Variants in NPNT observed in about 807,000 individuals in gnomAD.
The protein encoded by NPNT is preosteoblast EGF-like repeat protein with MAM domain.
NPNT carries 45 observed loss-of-function variants against 68.6 expected under a neutral mutation model. The observed-to-expected ratio is 0.66, with a 90% CI of 0.52 to 0.84. NPNT has a LOEUF of 0.84. Ranked by LOEUF, NPNT falls within the 40% of genes least tolerant of loss-of-function variation. The pLI is 0.00. For synonymous variants in NPNT, 233 were observed against 253.3 expected (o/e 0.92, Z 0.76); for missense variants, 672 against 714.8 (o/e 0.94, Z 0.68).
chr4:105,924,568 T>C (rs1370688004), intron 2 of NPNT, among the ~76,000 whole-genome samples: 1 of 152,138 alleles, frequency 6.6e-6, no homozygotes, highest in Non-Finnish European at 1.5e-5. Flanking sequence ...TCCCTAAACA[T>C]GGAAGAAACA....
chr4:105,955,449 C>T (rs1175794849), intron 8 of NPNT, among the ~76,000 whole-genome samples: 2 of 152,080 alleles, frequency 1.3e-5, no homozygotes, highest in Non-Finnish European at 1.5e-5. Context: ...CTTTGAGTAA[C>T]CAAAATACAA....
At chr4:105,967,753 A>G (rs934180117) in intron 11 of NPNT, among the ~76,000 whole-genome samples, 25 of 152,048 alleles carry the variant, frequency 1.6e-4, no homozygotes, top group Non-Finnish European at 1.6e-4. Flanking sequence ...GATCAACAGA[A>G]ACTTCCAAGG....
Position 105,969,163 on chromosome 4 carries a change from G to T in NPNT, c.*173G>T, listed in dbSNP as rs919752574. On this transcript the variant is annotated 3_prime_UTR_variant, in exon 12 of 12. Coordinates refer to ENST00000379987, the MANE Select transcript of NPNT (RefSeq NM_001033047.3). ...TGGCCTGCTTTTGTGCAATCCCAAT[G>T]AACAGTGATACCCTCCTTGAAATAC... The T allele has an allele frequency of 3.7e-6, 2 of 546,618 alleles. No homozygotes were observed. The highest frequency in any genetic ancestry group is 1.9e-5 in the African/African-American group (1 of 53,116). 33.9% of individuals were successfully genotyped at this position (546,618 alleles called of 1,614,324 possible). A position where few individuals can be genotyped will look rare whatever the true frequency, so the allele number is the denominator to read the frequency against.
In NPNT at chr4:105,925,444, G is replaced by A. The variant is rs1407873926; in HGVS notation, c.173-1892G>A. 1.3e-5 allele frequency among the ~76,000 whole-genome samples: 2 copies of A among 152,004 alleles called. 1 individual carries two copies. The highest frequency in any genetic ancestry group is 4.1e-4 in the South Asian group (2 of 4,828). ...AGCAAAGAGGCCCTGTGGAATGGAA[G>A]GTGAGGGAAGGGTTAGTGACAGTTG... On this transcript the variant is annotated intron_variant, in intron 2 of 11. Coordinates refer to ENST00000379987, the MANE Select transcript of NPNT (RefSeq NM_001033047.3).
intron 10 of NPNT, among the ~76,000 whole-genome samples, chr4:105,960,780 G>A (rs1387800037): frequency 6.7e-6 from 1 of 149,856 alleles, no homozygotes; most frequent in Non-Finnish European, 1.5e-5. Flanking sequence ...GTGTGTGTGT[G>A]TGTATACAAT....
Position 105,940,192 on chromosome 4 carries a change from G to A in NPNT, c.623G>A (p.Gly208Asp), listed in dbSNP as rs1411621199. 4.3e-6 allele frequency: 7 copies of A among 1,613,204 alleles called. No homozygotes were observed. Among genetic ancestry groups the A allele is most frequent in the Non-Finnish European group, 5.9e-6 (7 of 1,179,350 alleles). Residue 208 changes from glycine to aspartate, a missense_variant, in exon 6 of 12, where the codon GGC (glycine) becomes GAC (aspartate). By Grantham distance (94) the Gly-to-Asp change is moderately conservative. Coordinates refer to ENST00000379987, the MANE Select transcript of NPNT (RefSeq NM_001033047.3). ...HKGFDLMYIGGKYQCHDIDEC... is the reference protein window; with the variant it reads ...HKGFDLMYIGDKYQCHDIDEC... Reference sequence around the variant, plus strand: ...GGCTTCGATCTCATGTATATTGGAGGCAAATATCAATGTCATGGTAATGAA... The same window carrying A: ...GGCTTCGATCTCATGTATATTGGAGACAAATATCAATGTCATGGTAATGAA...
intron 10 of NPNT, among the ~76,000 whole-genome samples, chr4:105,965,608 A>G (rs549305694): frequency 6.6e-6 from 1 of 152,316 alleles, no homozygotes; most frequent in Admixed American, 6.5e-5. Flanking sequence ...TAATAACCTT[A>G]TATCTTAGTC....
intron 10 of NPNT, among the ~76,000 whole-genome samples, chr4:105,964,418 G>A (rs1248569923): frequency 6.6e-6 from 1 of 152,100 alleles, no homozygotes; most frequent in Non-Finnish European, 1.5e-5. Flanking sequence ...TCCTAAATGT[G>A]GAATTGCTAT....
intron 2 of NPNT, among the ~76,000 whole-genome samples, chr4:105,901,190 T>C (rs1474497074): frequency 6.6e-6 from 1 of 152,214 alleles, no homozygotes; most frequent in Non-Finnish European, 1.5e-5. Flanking sequence ...GCATATTTCA[T>C]CTTTAAAAGC....
At chr4:105,902,346 T>C (rs1158956361) in intron 2 of NPNT, among the ~76,000 whole-genome samples, 1 of 152,166 alleles carries the variant, frequency 6.6e-6, no homozygotes, top group Non-Finnish European at 1.5e-5. Context: ...CATGAGTTAG[T>C]ATTTTAAACG....
chr4:105,961,553 C>A (rs1028939672), intron 10 of NPNT, among the ~76,000 whole-genome samples: 2 of 152,080 alleles, frequency 1.3e-5, no homozygotes, highest in African/African-American at 4.8e-5. Context: ...CCAATTTAGT[C>A]CTTTTCAACA....
intron 10 of NPNT, among the ~76,000 whole-genome samples, chr4:105,966,603 G>T (rs1339939319): frequency 6.6e-6 from 1 of 151,928 alleles, no homozygotes; most frequent in Non-Finnish European, 1.5e-5. Context: ...CCTGGTGTTA[G>T]ATTTACACCA....
chr4:105,947,943 A>G (rs1009499894), intron 8 of NPNT, among the ~76,000 whole-genome samples: 1 of 152,118 alleles, frequency 6.6e-6, no homozygotes, highest in African/African-American at 2.4e-5. Flanking sequence ...TTTTTTCCTC[A>G]AATGGCCACA....
At chr4:105,956,631 TTC>T (rs1179602336) in intron 8 of NPNT, among the ~76,000 whole-genome samples, 14 of 152,202 alleles carry the variant, frequency 9.2e-5, no homozygotes, top group African/African-American at 2.9e-4. Flanking sequence ...TTTTATAACT[TTC>T]TGTCACAAGA....
intron 3 of NPNT, chr4:105,929,703 A>T (rs1018477339): frequency 6.6e-6 from 1 of 151,888 alleles, no homozygotes; most frequent in South Asian, 2.1e-4. Flanking sequence ...TGTTGTCCAA[A>T]TGTGAGGATA....
rs140913892 is a variant in NPNT at position 105,968,986 on chromosome 4, G to C, written c.1694G>C (p.Arg565Pro). 6.4e-7 allele frequency: 1 copy of C among 1,556,728 alleles called. No individual in the cohort carries two copies. Among genetic ancestry groups the C allele is most frequent in the Non-Finnish European group, 8.8e-7 (1 of 1,133,678 alleles). Residue 565 changes from arginine to proline, a missense_variant, in exon 12 of 12, where the codon CGC becomes CCC. Coordinates refer to ENST00000379987, the MANE Select transcript of NPNT (RefSeq NM_001033047.3). ...AAAAAAGGCCACTGCTCTGAAGAAC[G>C]CTAACAACTCCAGAACTAACAATGA... is the stretch of plus-strand genomic sequence containing the variant. ...SLKKGHCSEE[R>P] is the part of the protein sequence containing the mutation.
chr4:105,913,185 T>C (rs1727513245), intron 2 of NPNT, among the ~76,000 whole-genome samples: 1 of 152,182 alleles, frequency 6.6e-6, no homozygotes. Context: ...TTCTTTAAAC[T>C]GATTGAAGAA....
chr4:105,912,047 G>A (rs2149332396), intron 2 of NPNT: 1 of 653,892 alleles, frequency 1.5e-6, no homozygotes, highest in South Asian at 1.7e-5. Flanking sequence ...ACATGTCCTA[G>A]ATTTTTTTTT....
chr4:105,955,159 G>A (rs1469054081), intron 8 of NPNT, among the ~76,000 whole-genome samples: 2 of 152,156 alleles, frequency 1.3e-5, no homozygotes, highest in Non-Finnish European at 2.9e-5. Context: ...GCAGAGAATA[G>A]CAGGTATGCA....
Sources: gnomAD v4.1 joint callset for allele counts (sites outside exome capture counted in the v4.1 genomes callset) on GRCh38, gnomAD v4.1.1 for gene constraint, MANE v1.5 for transcripts, NCBI Gene and HGNC (gene_info 2026-07-23, HGNC 2026-07-21) for gene names.